The following ATP10A variants were observed in gnomAD, a reference collection of about 807,000 sequenced individuals.
ATP10A encodes the protein phospholipid-transporting ATPase VA.
A neutral mutation model predicts 147.8 loss-of-function variants in ATP10A; 111 were observed. That is an observed-to-expected ratio of 0.75 (90% confidence interval 0.64 to 0.88). The LOEUF (loss-of-function observed/expected upper bound fraction) is 0.88, where lower values mean the gene tolerates loss of function less well. Ranked by LOEUF, ATP10A falls within the 40% of genes least tolerant of loss-of-function variation. The pLI is 0.00. For missense variants in ATP10A, 1,927 were observed against 1,959.0 expected (o/e 0.98, Z 0.31); for synonymous variants, 875 against 841.6 (o/e 1.04, Z -0.69).
Position 25,859,993 on chromosome 15 carries a change from G to A in ATP10A, c.449+2655C>T, listed in dbSNP as rs143282080. Among the ~76,000 whole-genome samples the A allele has an allele frequency of 1.4e-4, 22 of 152,228 alleles. No homozygotes were observed. The East Asian group carries it at 3.7e-3, about 25-fold the overall frequency. On this transcript the variant is annotated intron_variant, in intron 1 of 20. Transcript: ENST00000555815. Reference sequence around the variant, plus strand: ...TAGAGCAGCAACACTTGGAGGAAGCGCCACACAAAACAGACCTAGACAGTT... The same window carrying A: ...TAGAGCAGCAACACTTGGAGGAAGCACCACACAAAACAGACCTAGACAGTT...
intron 2 of ATP10A, among the ~76,000 whole-genome samples, chr15:25,777,090 TACGTGC>T (rs1889646365): frequency 2.4e-5 from 3 of 127,512 alleles, no homozygotes; most frequent in African/African-American, 5.8e-5. Flanking sequence ...TGTGTGTGCA[TACGTGC>T]GTGTGTGTGT....
intron 1 of ATP10A, among the ~76,000 whole-genome samples, chr15:25,814,563 T>G (rs1341520268): frequency 6.6e-6 from 1 of 152,246 alleles, no homozygotes; most frequent in Non-Finnish European, 1.5e-5. Context: ...CCATCCGTGA[T>G]GACAGGAACC....
intron 2 of ATP10A, among the ~76,000 whole-genome samples, chr15:25,751,907 A>C (rs866186361): frequency 1.3e-5 from 2 of 152,196 alleles, no homozygotes; most frequent in African/African-American, 4.8e-5. Flanking sequence ...AAGACATATG[A>C]AAAAATGCTC....
intron 1 of ATP10A, among the ~76,000 whole-genome samples, chr15:25,786,529 C>T (rs1264182292): frequency 3.3e-5 from 5 of 151,082 alleles, no homozygotes; most frequent in Non-Finnish European, 2.9e-5. Context: ...AGGCCATGGA[C>T]GACTAAGAGC....
chr15:25,700,677 G>A (rs1900608604), intron 13 of ATP10A, among the ~76,000 whole-genome samples: 1 of 152,148 alleles, frequency 6.6e-6, no homozygotes, highest in Admixed American at 6.6e-5. Context: ...TAGAAAAGGA[G>A]GGAAGTTACA....
chr15:25,781,282 G>A, intron 1 of ATP10A, 59 bp from the exon 2 acceptor site: 1 of 1,464,290 alleles, frequency 6.8e-7, no homozygotes, highest in South Asian at 1.2e-5. Flanking sequence ...CTGGATCTGG[G>A]TGATGGGCAC....
chr15:25,674,474 C>A (rs150344376), downstream of ATP10A, among the ~76,000 whole-genome samples: 280 of 152,270 alleles, frequency 1.8e-3, 1 homozygote, highest in African/African-American at 6.4e-3. Flanking sequence ...TCAGGATCCC[C>A]TTCTTTGTTT....
rs370054999 is a variant in ATP10A, at chr15:25,829,082, A to G, written c.449+33566T>C. Among the ~76,000 whole-genome samples, 24 of 152,336 alleles carry G rather than the reference A, an allele frequency of 1.6e-4. No individual in the cohort carries two copies. The East Asian group carries it at 3.7e-3, about 23-fold the overall frequency. On this transcript the variant is annotated intron_variant, in intron 1 of 20. Transcript: ENST00000555815. Reference sequence around the variant, plus strand: ...TTGCAAGAACCAACGTGGAGTAAGGAGGCGGAAAGTCGATGCAAATTTTAT... The same window carrying G: ...TTGCAAGAACCAACGTGGAGTAAGGGGGCGGAAAGTCGATGCAAATTTTAT...
rs184840652 is a variant in ATP10A, at chr15:25,687,622, C to T, written c.3291+81G>A. 4.0e-3 allele frequency: 3,530 copies of T among 883,264 alleles called. 4 individuals are homozygous for T. The highest frequency in any genetic ancestry group is 7.7e-3 in the Middle Eastern group (23 of 2,978). The allele number at this position is 883,264 out of a possible 1,614,324, so 54.7% of individuals were successfully genotyped here. Reference sequence around the variant, plus strand: ...GTCCATGGCCTCCCATCTGCTCCATCCTCCTTCGCCTCATTCAGGCGATGG... The same window carrying T: ...GTCCATGGCCTCCCATCTGCTCCATTCTCCTTCGCCTCATTCAGGCGATGG... On this transcript the variant is annotated intron_variant, in intron 16 of 20. Coordinates refer to ENST00000555815, the MANE Select transcript of ATP10A (RefSeq NM_024490.4).
chr15:25,838,810 C>T lies in ATP10A; in HGVS notation c.449+23838G>A, dbSNP rs546616183. On this transcript the variant is annotated intron_variant, in intron 1 of 20. Transcript: ENST00000555815. Reference sequence around the variant, plus strand: ...GGACGGGCTTTACTCCAGGGTACTACTGCAATGTTAGAAGCAGCCTTTCTT... The same window carrying T: ...GGACGGGCTTTACTCCAGGGTACTATTGCAATGTTAGAAGCAGCCTTTCTT... Among the ~76,000 whole-genome samples, 3 of 152,244 alleles carry T rather than the reference C, an allele frequency of 2.0e-5. No individual in the cohort carries two copies. The East Asian group carries it at 5.8e-4, about 29-fold the overall frequency.
chr15:25,794,158 G>A (rs1330200325), intron 1 of ATP10A, among the ~76,000 whole-genome samples: 2 of 152,162 alleles, frequency 1.3e-5, no homozygotes, highest in Non-Finnish European at 2.9e-5. Context: ...CAGGCAGATT[G>A]ATTTTCTCAC....
downstream of ATP10A, among the ~76,000 whole-genome samples, chr15:25,676,308 T>C (rs1596665868): frequency 6.6e-6 from 1 of 152,114 alleles, no homozygotes; most frequent in Non-Finnish European, 1.5e-5. Flanking sequence ...CTCTCCCAGG[T>C]CTCTCTCCCT....
At chr15:25,674,581 G>T (rs551179412), downstream of ATP10A, among the ~76,000 whole-genome samples, 123 of 152,296 alleles carry the variant, frequency 8.1e-4, no homozygotes, top group African/African-American at 2.8e-3. Context: ...CATTCTGAAG[G>T]CATAGATGGG....
At chr15:25,793,253 C>T (rs1345888989) in intron 1 of ATP10A, among the ~76,000 whole-genome samples, 1 of 152,126 alleles carries the variant, frequency 6.6e-6, no homozygotes, top group African/African-American at 2.4e-5. Flanking sequence ...CAAGAGAAGC[C>T]TCCAGATAGA....
intron 2 of ATP10A, among the ~76,000 whole-genome samples, chr15:25,754,742 T>C (rs1355872624): frequency 6.6e-6 from 1 of 152,200 alleles, no homozygotes; most frequent in African/African-American, 2.4e-5. Flanking sequence ...TATTTGGCCC[T>C]GTAACCTGCA....
intron 10 of ATP10A, chr15:25,709,389 T>C (rs1026414355): frequency 6.6e-6 from 1 of 152,190 alleles, no homozygotes; most frequent in Non-Finnish European, 1.5e-5. Context: ...CAGAATCAGA[T>C]TGTTCCTCGA....
chr15:25,806,694 A>G (rs1045852042), intron 1 of ATP10A, among the ~76,000 whole-genome samples: 5 of 152,202 alleles, frequency 3.3e-5, no homozygotes, highest in Admixed American at 6.5e-5. Context: ...CGTACAAAAT[A>G]TGAGTTAATC....
At chr15:25,802,429 G>A (rs1477316412) in intron 1 of ATP10A, among the ~76,000 whole-genome samples, 1 of 89,186 alleles carries the variant, frequency 1.1e-5, no homozygotes, top group Admixed American at 1.0e-4. Flanking sequence ...GTTGTGTTCC[G>A]ACCACTAGGC....
intron 1 of ATP10A, among the ~76,000 whole-genome samples, chr15:25,807,241 T>C (rs577261987): frequency 1.6e-3 from 239 of 152,318 alleles, no homozygotes; most frequent in Non-Finnish European, 2.8e-3. Flanking sequence ...CTCGACCCTG[T>C]CCTGAGCACC....
Sources: allele counts gnomAD v4.1 joint callset (sites outside exome capture counted in the v4.1 genomes callset), GRCh38; gene constraint gnomAD v4.1.1; transcripts MANE v1.5; gene names NCBI Gene and HGNC (gene_info 2026-07-23, HGNC 2026-07-21).